Variants in MYCBP2 observed in about 807,000 individuals in gnomAD.
MYCBP2 encodes the protein E3 ubiquitin-protein ligase MYCBP2.
A neutral mutation model predicts 525.3 loss-of-function variants in MYCBP2; 120 were observed. The observed-to-expected ratio is 0.23, with a 90% CI of 0.20 to 0.27. The LOEUF is 0.27. Among genes scored for constraint, MYCBP2 ranks in the 10% least tolerant of loss-of-function variants. The pLI is 1.00. For missense variants in MYCBP2, 4,149 were observed against 5,657.1 expected (o/e 0.73, Z 8.55); for synonymous variants, 1,894 against 1,955.8 (o/e 0.97, Z 0.83).
chr13:77,171,525 T>C lies in MYCBP2; in HGVS notation c.5761A>G (p.Lys1921Glu), dbSNP rs1398888821. 2.5e-6 allele frequency: 4 copies of C among 1,614,016 alleles called. No homozygotes were observed. In the East Asian group the frequency reaches 6.7e-5, roughly 27 times the overall value. The change falls in exon 38 of 83, where the codon AAG becomes GAG. Residue 1921 changes from lysine (K) to glutamate (E), a missense_variant. By Grantham distance (56) the Lys-to-Glu change is moderately conservative. Coordinates refer to ENST00000544440, the MANE Select transcript of MYCBP2 (RefSeq NM_015057.5). The stretch of plus-strand genomic sequence containing the variant: ...GCAAGAGCTCTGTGCAGGAGGTCCT[T>C]AGAGGCTCGAACGACAGTGCTTACA... ...SVVSTVVRASKDLLHRALAVD... is the reference protein window; with the variant it reads ...SVVSTVVRASEDLLHRALAVD...
intron 18 of MYCBP2, among the ~76,000 whole-genome samples, chr13:77,229,165 T>TGG: frequency 6.6e-6 from 1 of 152,354 alleles, no homozygotes; most frequent in East Asian, 1.9e-4. Flanking sequence ...AACTGGACAC[T>TGG]GGACCTTCTG....
intron 82 of MYCBP2, among the ~76,000 whole-genome samples, chr13:77,050,460 A>T (rs2036554996): frequency 6.6e-6 from 1 of 152,120 alleles, no homozygotes; most frequent in South Asian, 2.1e-4. Flanking sequence ...GTCCTCTTCC[A>T]GTATTTTCAG....
rs1448060846 is a variant in MYCBP2 at position 77,067,826 on chromosome 13, G to T, written c.12210C>A (p.Thr4070=). The change falls in exon 71 of 83, where the codon ACC becomes ACA. Residue 4070 remains threonine, a synonymous_variant. Transcript: ENST00000544440. ...SLLRRVLPEV[T]PSRLASIIGV... is the part of the protein sequence containing the mutation. The stretch of plus-strand genomic sequence containing the variant: ...CTATGATGCTGGCCAGACGACTAGG[G>T]GTTACTTCAGGCAAAACTCTTCTTA... The T allele has an allele frequency of 9.3e-6, 15 of 1,613,948 alleles. No homozygotes were observed. The highest frequency in any genetic ancestry group is 1.2e-5 in the Non-Finnish European group (14 of 1,179,890).
intron 40 of MYCBP2, among the ~76,000 whole-genome samples, chr13:77,167,161 G>A (rs1166403657): frequency 2.0e-5 from 3 of 152,042 alleles, no homozygotes; most frequent in Admixed American, 6.5e-5. Context: ...ATAAACTCAT[G>A]AGGTATTTTA....
chr13:77,107,377 T>G (rs1296949581), intron 55 of MYCBP2, among the ~76,000 whole-genome samples: 2 of 152,190 alleles, frequency 1.3e-5, no homozygotes, highest in Non-Finnish European at 2.9e-5. Context: ...TCAAACAATA[T>G]GCAGATTTAA....
At chr13:77,195,357 G>C (rs11839950) in intron 26 of MYCBP2, among the ~76,000 whole-genome samples, 180 of 152,262 alleles carry the variant, frequency 1.2e-3, no homozygotes, top group African/African-American at 4.1e-3. Flanking sequence ...AGCACTTTGG[G>C]AGGCTGAGGC....
At position 77,151,700 on chromosome 13, in the gene MYCBP2, T is replaced by A. The variant is rs942667680; in HGVS notation, c.6916-751A>T. Among the ~76,000 whole-genome samples, 7 of 152,220 alleles carry A rather than the reference T, an allele frequency of 4.6e-5. No homozygotes were observed. In the East Asian group the frequency reaches 1.3e-3, roughly 29 times the overall value. On this transcript the variant is annotated intron_variant, in intron 46 of 82. Coordinates refer to ENST00000544440, the MANE Select transcript of MYCBP2 (RefSeq NM_015057.5). ...ACCTTTTAGATATATTTTCCAGGAA[T>A]TATAACTTTGCAACTCAATTTCTTC...
intron 48 of MYCBP2, 125 bp downstream of exon 48, chr13:77,146,037 C>A (rs764961738): frequency 1.7e-6 from 1 of 574,696 alleles, no homozygotes; most frequent in Non-Finnish European, 3.0e-6. Context: ...ACATCTCTAT[C>A]GGCAACCTAG....
chr13:77,168,759 A>G, intron 39 of MYCBP2, 113 bp from the exon 40 acceptor site: 3 of 929,260 alleles, frequency 3.2e-6, no homozygotes, highest in Non-Finnish European at 4.8e-6. Context: ...TAAATTTTCC[A>G]CTAGTTAAGT....
chr13:77,095,320 C>T lies in MYCBP2; in HGVS notation c.10199+38G>A, dbSNP rs765562481. On this transcript the variant is annotated intron_variant, in intron 58 of 82. Transcript: ENST00000544440. The stretch of plus-strand genomic sequence containing the variant: ...ATATCAATAAACAATCGCTGTTAAT[C>T]CAAAGGTGATTAAAAAACAACAGCA... 35 of 1,608,884 alleles carry T rather than the reference C, an allele frequency of 2.2e-5. No individual in the cohort carries two copies. In the East Asian group the frequency reaches 7.6e-4, roughly 35 times the overall value.
intron 68 of MYCBP2, among the ~76,000 whole-genome samples, chr13:77,073,532 T>C (rs921260433): frequency 8.5e-5 from 13 of 152,144 alleles, no homozygotes; most frequent in African/African-American, 3.1e-4. Flanking sequence ...GCTTAAGGGC[T>C]TAATCAATGC....
At chr13:77,217,774 C>CT (rs1355476234) in intron 21 of MYCBP2, 66 bp downstream of exon 21, 1 of 919,632 alleles carries the variant, frequency 1.1e-6, no homozygotes, top group Non-Finnish European at 1.7e-6. Flanking sequence ...GAAAAAAGAG[C>CT]TAATATAGAC....
At position 77,144,681 on chromosome 13, in the gene MYCBP2, C is replaced by A. The variant is rs556930502; in HGVS notation, c.7188-121G>T. 2.0e-5 allele frequency: 14 copies of A among 710,400 alleles called. No individual in the cohort carries two copies. The African/African-American group carries it at 2.5e-4, about 12-fold the overall frequency. 44.0% of individuals were successfully genotyped at this position (710,400 alleles called of 1,614,324 possible). Reference sequence around the variant, plus strand: ...CCTCCTGGCAATCCTACCACCCTGCCATAGTACGCTTGCCTACTCTCCAAA... The same window carrying A: ...CCTCCTGGCAATCCTACCACCCTGCAATAGTACGCTTGCCTACTCTCCAAA... On this transcript the variant is annotated intron_variant, in intron 48 of 82. Coordinates refer to ENST00000544440, the MANE Select transcript of MYCBP2 (RefSeq NM_015057.5).
chr13:77,245,602 G>C (rs554767717), intron 15 of MYCBP2, among the ~76,000 whole-genome samples: 75 of 140,512 alleles, frequency 5.3e-4, no homozygotes, highest in African/African-American at 1.8e-3. Context: ...ACTGGGGCCT[G>C]TTGGGGGGTG....
chr13:77,096,974 T>C (rs2154127641), intron 56 of MYCBP2, among the ~76,000 whole-genome samples: 1 of 152,274 alleles, frequency 6.6e-6, no homozygotes, highest in South Asian at 2.1e-4. Flanking sequence ...ATCACTTCCG[T>C]AGGAAAAAGC....
rs186278098 is a variant in MYCBP2 at position 77,158,283 on chromosome 13, T to A, written c.6598-174A>T. Among the ~76,000 whole-genome samples, 297 of 152,154 alleles carry A rather than the reference T, an allele frequency of 2.0e-3. 1 individual carries two copies. Among genetic ancestry groups the A allele is most frequent in the Non-Finnish European group, 3.1e-3 (208 of 67,994 alleles). On this transcript the variant is annotated intron_variant, in intron 44 of 82. Coordinates refer to ENST00000544440, the MANE Select transcript of MYCBP2 (RefSeq NM_015057.5). ...ATAGGAAATTCCTAGGAGAGAAAAATATGAGACAATATTTCCAGTCTCTTT... is the reference window on the plus strand; with the variant it reads ...ATAGGAAATTCCTAGGAGAGAAAAAAATGAGACAATATTTCCAGTCTCTTT...
At chr13:77,300,710 T>C (rs2078692666) in intron 1 of MYCBP2, among the ~76,000 whole-genome samples, 1 of 152,246 alleles carries the variant, frequency 6.6e-6, no homozygotes, top group Admixed American at 6.5e-5. Flanking sequence ...ATCTGCCTTT[T>C]CTTTTTATAA....
intron 55 of MYCBP2, chr13:77,100,227 T>A (rs1471444427): frequency 6.6e-6 from 1 of 152,124 alleles, no homozygotes; most frequent in Non-Finnish European, 1.5e-5. Context: ...TCAGATGATG[T>A]AGGAAAATGT....
intron 41 of MYCBP2, among the ~76,000 whole-genome samples, chr13:77,165,939 G>A (rs537936147): frequency 4.6e-5 from 7 of 152,278 alleles, no homozygotes; most frequent in East Asian, 3.9e-4. Context: ...AGTGGTTTAC[G>A]AATTCTCTTA....
Sources: allele counts gnomAD v4.1 joint callset (sites outside exome capture counted in the v4.1 genomes callset), GRCh38; gene constraint gnomAD v4.1.1; transcripts MANE v1.5; gene names NCBI Gene and HGNC (gene_info 2026-07-23, HGNC 2026-07-21).